Variants in ALK observed in about 807,000 individuals in gnomAD.
The protein encoded by ALK is ALK receptor tyrosine kinase.
ALK carries 74 observed loss-of-function variants against 163.1 expected under a neutral mutation model. The observed-to-expected ratio is 0.45, with a 90% CI of 0.38 to 0.55. The LOEUF (loss-of-function observed/expected upper bound fraction) is 0.55. ALK is among the 20% of genes least tolerant of loss of function. ALK has a pLI of 0.00. For synonymous variants in ALK, 960 were observed against 843.2 expected (o/e 1.14, Z -2.40); for missense variants, 2,063 against 2,105.3 (o/e 0.98, Z 0.39).
intron 1 of ALK, among the ~76,000 whole-genome samples, chr2:29,718,472 C>T (rs956692010): frequency 5.9e-5 from 9 of 152,146 alleles, no homozygotes; most frequent in Non-Finnish European, 2.9e-5. Flanking sequence ...TAATGTTTTA[C>T]GGCAGACAAA....
rs2148215505 is a variant in ALK at position 29,275,506 on chromosome 2, T to A, written c.1818-10A>T. On this transcript the variant is annotated splice_polypyrimidine_tract_variant and intron_variant, in intron 9 of 28. Coordinates refer to ENST00000389048, the MANE Select transcript of ALK (RefSeq NM_004304.5). ...CATCTGCAGCCAGAACCTGTACACA[T>A]CAAGAGGAATGTGTGTGAGGAGCAA... 6.2e-7 allele frequency: 1 copy of A among 1,613,864 alleles called. No individual in the cohort carries two copies.
intron 1 of ALK, among the ~76,000 whole-genome samples, chr2:29,861,645 T>C (rs1666294735): frequency 6.6e-6 from 1 of 152,030 alleles, no homozygotes; most frequent in Non-Finnish European, 1.5e-5. Context: ...ATCAAAAATC[T>C]CCCATCAAAG....
chr2:29,226,533 C>T (rs558699207), intron 18 of ALK, among the ~76,000 whole-genome samples: 3 of 145,946 alleles, frequency 2.1e-5, no homozygotes, highest in Admixed American at 1.4e-4. Context: ...TGTCTTCAAA[C>T]ACTGCACATG....
intron 4 of ALK, among the ~76,000 whole-genome samples, chr2:29,454,549 C>T (rs1395625961): frequency 6.6e-6 from 1 of 152,114 alleles, no homozygotes; most frequent in Non-Finnish European, 1.5e-5. Context: ...ATATGCTGTG[C>T]TGTCTTCCAA....
chr2:29,396,539 TG>T (rs962457377), intron 4 of ALK, among the ~76,000 whole-genome samples: 49 of 152,120 alleles, frequency 3.2e-4, no homozygotes, highest in African/African-American at 1.1e-3. Context: ...CTGGACATGG[TG>T]GCGTGTGCCT....
chr2:29,920,067 A>T lies in ALK; in HGVS notation c.593T>A (p.Val198Glu), dbSNP rs1275464904. The part of the protein sequence containing the change: ...RLMPEKKASE[V>E]GREGRLSAAI... ...CGCGGACAGCCTTCCCTCTCTGCCC[A>T]CTTCCGACGCCTTCTTCTCGGGCAT... The change falls in exon 1 of 29, where the codon GTG (valine) becomes GAG (glutamate). Residue 198 changes from valine (V) to glutamate (E), a missense_variant. This residue lies in a region of ALK where 987 missense variants were observed against 939.5 expected (regional missense o/e 1.05). Coordinates refer to ENST00000389048, the MANE Select transcript of ALK (RefSeq NM_004304.5). 6.2e-7 allele frequency: 1 copy of T among 1,614,140 alleles called. No individual in the cohort carries two copies. The highest frequency in any genetic ancestry group is 1.1e-5 in the South Asian group (1 of 91,080).
At position 29,750,697 on chromosome 2, in the gene ALK, AAGGCAGGCAGGC is replaced by A. The variant is rs1398822511; in HGVS notation, c.668-33012_668-33001del. Among the ~76,000 whole-genome samples the A allele has an allele frequency of 8.3e-5, 7 of 84,626 alleles. No individual in the cohort carries two copies. In the East Asian group the frequency reaches 1.1e-3, roughly 13 times the overall value. 55.5% of individuals were successfully genotyped at this position (84,626 alleles called of 152,430 possible). A position where few individuals can be genotyped will look rare whatever the true frequency, so the allele number is the denominator to read the frequency against. ...GAAGGAAGGAAGGAAGGAAGGAAGG[AAGGCAGGCAGGC>A]AGGAAGGAAGGAAGGAAGGAAGAAA... On this transcript the variant is annotated intron_variant, in intron 1 of 28. Transcript: ENST00000389048.
At chr2:29,705,276 T>TATATAA (rs1277426628) in intron 2 of ALK, among the ~76,000 whole-genome samples, 1 of 48,776 alleles carries the variant, frequency 2.1e-5, no homozygotes, top group African/African-American at 1.8e-4. Context: ...TATATATATA[T>TATATAA]ATATAAATAT....
intron 5 of ALK, among the ~76,000 whole-genome samples, chr2:29,345,173 G>C (rs2339464): frequency 0.99 from 150,747 of 152,200 alleles, 74,668 homozygotes; most frequent in East Asian, 1. Context: ...GCAGGCAGAT[G>C]TCTTGTGCCT....
intron 1 of ALK, among the ~76,000 whole-genome samples, chr2:29,854,613 C>A (rs1188456096): frequency 2.0e-5 from 3 of 152,160 alleles, no homozygotes; most frequent in Non-Finnish European, 4.4e-5. Context: ...TTCTTTGCAG[C>A]AACACAAAAT....
chr2:29,763,013 G>T (rs944541974), intron 1 of ALK, among the ~76,000 whole-genome samples: 3 of 151,572 alleles, frequency 2.0e-5, no homozygotes, highest in Non-Finnish European at 4.4e-5. Flanking sequence ...CTTGAACCAG[G>T]GAGGCGGAGG....
intron 3 of ALK, among the ~76,000 whole-genome samples, chr2:29,593,277 G>C (rs570236406): frequency 2.4e-4 from 37 of 152,322 alleles, no homozygotes; most frequent in South Asian, 6.2e-4. Context: ...AAAAGTCCCA[G>C]AAGAGGGATG....
intron 4 of ALK, among the ~76,000 whole-genome samples, chr2:29,471,653 G>A (rs1671349550): frequency 6.6e-6 from 1 of 152,166 alleles, no homozygotes; most frequent in Non-Finnish European, 1.5e-5. Context: ...TTCCAAATAT[G>A]GTCACAGCAA....
intron 1 of ALK, among the ~76,000 whole-genome samples, chr2:29,797,653 G>T (rs189596138): frequency 6.6e-6 from 1 of 152,264 alleles, no homozygotes; most frequent in East Asian, 1.9e-4. Flanking sequence ...AATATTTGCT[G>T]ATTGAAGGAA....
At chr2:29,699,909 T>C (rs1233351194) in intron 2 of ALK, among the ~76,000 whole-genome samples, 1 of 152,244 alleles carries the variant, frequency 6.6e-6, no homozygotes, top group African/African-American at 2.4e-5. Flanking sequence ...GAAAGGGCTC[T>C]AGCAGAGCAG....
chr2:29,493,705 C>A (rs891698128), intron 4 of ALK, among the ~76,000 whole-genome samples: 1 of 152,194 alleles, frequency 6.6e-6, no homozygotes, highest in African/African-American at 2.4e-5. Context: ...AGTGATGAGG[C>A]CTGTCTAGTG....
chr2:29,650,709 G>A (rs901358195), intron 3 of ALK, among the ~76,000 whole-genome samples: 1 of 152,068 alleles, frequency 6.6e-6, no homozygotes, highest in Admixed American at 6.5e-5. Context: ...TACCCGATGA[G>A]GTCTCCGTGT....
chr2:29,220,977 C>G (rs543664530), intron 22 of ALK, 142 bp from the exon 23 acceptor site: 1 of 1,172,416 alleles, frequency 8.5e-7, no homozygotes, highest in South Asian at 1.3e-5. Context: ...AGCAGGGGTC[C>G]CGGGCTGAGC....
chr2:29,663,672 A>T (rs987059049), intron 3 of ALK, among the ~76,000 whole-genome samples: 6 of 152,176 alleles, frequency 3.9e-5, no homozygotes, highest in Admixed American at 6.6e-5. Flanking sequence ...CAATATTTTC[A>T]ACTAGTTTTC....
Sources: gnomAD v4.1 joint callset for allele counts (sites outside exome capture counted in the v4.1 genomes callset) on GRCh38, gnomAD v4.1.1 for gene constraint, gnomAD v4.1.1 regional missense constraint, MANE v1.5 for transcripts, NCBI Gene and HGNC (gene_info 2026-07-23, HGNC 2026-07-21) for gene names.